NHSL3: variants seen among roughly 807,000 people sequenced by gnomAD.
The protein encoded by NHSL3 is NHS like 3.
the NHSL3 span, among the ~76,000 whole-genome samples, chr1:32,750,609 G>C: frequency 6.6e-6 from 1 of 152,120 alleles, no homozygotes; most frequent in Non-Finnish European, 1.5e-5. Flanking sequence ...CTGGGTTCAA[G>C]TGATTCTCCT....
At chr1:32,765,661 C>T in the NHSL3 span, 5 of 1,532,668 alleles carry the variant, frequency 3.3e-6, no homozygotes, top group African/African-American at 1.4e-5. Context: ...TGCGGCGGGG[C>T]GGGAGGGCTC....
chr1:32,746,485 T>C, the NHSL3 span, among the ~76,000 whole-genome samples: 2 of 152,162 alleles, frequency 1.3e-5, no homozygotes, highest in Non-Finnish European at 2.9e-5. Context: ...CTATGTGCTA[T>C]ATATACCCTG....
chr1:32,762,128 T>A, the NHSL3 span, among the ~76,000 whole-genome samples: 1 of 152,180 alleles, frequency 6.6e-6, no homozygotes, highest in Non-Finnish European at 1.5e-5. Flanking sequence ...CTCATTGATT[T>A]GTTGATGTGA....
At chr1:32,766,539 G>T in the NHSL3 span, among the ~76,000 whole-genome samples, 1 of 152,150 alleles carries the variant, frequency 6.6e-6, no homozygotes, top group Non-Finnish European at 1.5e-5. Flanking sequence ...GGTTGGATCT[G>T]TTGGGGGCCT....
chr1:32,756,205 C>G, the NHSL3 span, among the ~76,000 whole-genome samples: 2 of 152,258 alleles, frequency 1.3e-5, no homozygotes, highest in Non-Finnish European at 2.9e-5. Flanking sequence ...CAAAAGCCTT[C>G]TGGGTTGGGG....
chr1:32,772,107 G>T, the NHSL3 span: 1 of 1,613,226 alleles, frequency 6.2e-7, no homozygotes, highest in South Asian at 1.1e-5. Context: ...TCTTCTCCAA[G>T]GGCTCTAGGA....
the NHSL3 span, among the ~76,000 whole-genome samples, chr1:32,753,677 C>A: frequency 3.9e-4 from 60 of 152,304 alleles, 1 homozygote; most frequent in East Asian, 9.5e-3. Flanking sequence ...ACGTGACAGT[C>A]ACGGGGAGGT....
At chr1:32,752,901 G>GCACACA in the NHSL3 span, among the ~76,000 whole-genome samples, 3 of 71,620 alleles carry the variant, frequency 4.2e-5, no homozygotes, top group African/African-American at 1.2e-4. Flanking sequence ...AAAAAAACAT[G>GCACACA]CACACACACA....
At chr1:32,746,244 A>AG in the NHSL3 span, among the ~76,000 whole-genome samples, 59 of 142,594 alleles carry the variant, frequency 4.1e-4, 14 homozygotes, top group Admixed American at 4.9e-4. Context: ...AAAAAAAAAA[A>AG]AAACAAAAAA....
At chr1:32,749,039 A>G in the NHSL3 span, among the ~76,000 whole-genome samples, 2 of 152,172 alleles carry the variant, frequency 1.3e-5, no homozygotes, top group Non-Finnish European at 2.9e-5. Context: ...GGGCCTCATG[A>G]ACCTCACGAT....
the NHSL3 span, among the ~76,000 whole-genome samples, chr1:32,747,944 A>G: frequency 3.3e-5 from 5 of 152,072 alleles, no homozygotes; most frequent in Admixed American, 2.0e-4. Context: ...CCCCATCTCT[A>G]CTAAAAATGC....
the NHSL3 span, among the ~76,000 whole-genome samples, chr1:32,744,390 C>G: frequency 1.3e-5 from 2 of 152,134 alleles, no homozygotes; most frequent in Non-Finnish European, 2.9e-5. Flanking sequence ...ATTGATTAGT[C>G]TGAATATGTC....
the NHSL3 span, among the ~76,000 whole-genome samples, chr1:32,760,395 G>T: frequency 6.6e-6 from 1 of 152,194 alleles, no homozygotes; most frequent in African/African-American, 2.4e-5. Context: ...GCGTGGCCTT[G>T]GGAGGCAGTG....
the NHSL3 span, chr1:32,754,072 C>A: frequency 1.5e-6 from 1 of 654,664 alleles, no homozygotes. Context: ...GGTTCCCGCG[C>A]CGGCTCCCGC....
chr1:32,760,695 A>G, the NHSL3 span, among the ~76,000 whole-genome samples: 9 of 150,832 alleles, frequency 6.0e-5, no homozygotes, highest in African/African-American at 2.0e-4. Context: ...GGTTCAAGCG[A>G]TTCTCCTGCC....
At chr1:32,774,051 CCT>C in the NHSL3 span, 1 of 152,666 alleles carries the variant, frequency 6.6e-6, no homozygotes, top group Non-Finnish European at 1.5e-5. Flanking sequence ...TAGGTATCAG[CCT>C]CTCTTACTGT....
chr1:32,766,076 C>T, the NHSL3 span, among the ~76,000 whole-genome samples: 1 of 152,052 alleles, frequency 6.6e-6, no homozygotes, highest in Non-Finnish European at 1.5e-5. Flanking sequence ...GCAGCCCTCC[C>T]GTGAGACTTG....
chr1:32,756,676 A>G, the NHSL3 span, among the ~76,000 whole-genome samples: 2 of 149,822 alleles, frequency 1.3e-5, no homozygotes, highest in Admixed American at 6.7e-5. Flanking sequence ...AAAAAAAAAA[A>G]AAAAAGAATG....
the NHSL3 span, chr1:32,742,098 GA>G: frequency 8.0e-7 from 1 of 1,251,882 alleles, no homozygotes; most frequent in South Asian, 3.1e-5. Context: ...GGCGCAAGAA[GA>G]AGGCGGCGGG....
Sources: gnomAD v4.1 joint callset for allele counts (sites outside exome capture counted in the v4.1 genomes callset) on GRCh38, gnomAD v4.1.1 for gene constraint, MANE v1.5 for transcripts, NCBI Gene and HGNC (gene_info 2026-07-23, HGNC 2026-07-21) for gene names.